Variants in ERBIN observed in about 807,000 individuals in gnomAD.
The protein encoded by ERBIN is densin-180-like protein.
In ERBIN, 60 loss-of-function variants were observed where a neutral mutation model predicts 158.4. The ratio of observed to expected loss-of-function variants is 0.38; its 90% CI spans 0.31 to 0.47. The LOEUF (loss-of-function observed/expected upper bound fraction) is 0.47. Among genes scored for constraint, ERBIN ranks in the 20% least tolerant of loss-of-function variants. The probability of loss-of-function intolerance (pLI) is 0.99; values close to 1 mark genes in which losing one functional copy is unlikely to be tolerated. For synonymous variants in ERBIN, 594 were observed against 557.2 expected, an observed-to-expected ratio of 1.07 and a Z score of -0.93; for missense variants, 1,610 against 1,648.0, an observed-to-expected ratio of 0.98 and a Z score of 0.40.
At chr5:66,038,331 A>G in intron 14 of ERBIN, 52 bp from the exon 15 acceptor site, 1 of 1,194,082 alleles carries the variant, frequency 8.4e-7, no homozygotes, top group African/African-American at 1.5e-5. Context: ...ATTGCTGAAT[A>G]TATATTTGCT....
intron 1 of ERBIN, among the ~76,000 whole-genome samples, chr5:65,950,897 C>T (rs1196747156): frequency 6.6e-6 from 1 of 151,876 alleles, no homozygotes; most frequent in East Asian, 1.9e-4. Context: ...CATGTAAAAA[C>T]TTAAGCCAGT....
intron 1 of ERBIN, among the ~76,000 whole-genome samples, chr5:65,948,761 C>CCTTTTT (rs1561282947): frequency 2.3e-5 from 1 of 44,424 alleles, no homozygotes; most frequent in African/African-American, 7.8e-5. Flanking sequence ...TTCTGTTTTG[C>CCTTTTT]GTTTTTTTTT....
chr5:66,064,919 C>T (rs1281039419), intron 21 of ERBIN, among the ~76,000 whole-genome samples: 2 of 152,140 alleles, frequency 1.3e-5, no homozygotes, highest in Admixed American at 6.5e-5. Context: ...AGGCTGGTCT[C>T]AAACTCCTGG....
At chr5:66,062,927 G>A (rs936201579) in intron 21 of ERBIN, among the ~76,000 whole-genome samples, 60 of 152,178 alleles carry the variant, frequency 3.9e-4, no homozygotes, top group Non-Finnish European at 8.2e-4. Flanking sequence ...GTACCTGGCC[G>A]TGTGAGGTGT....
At position 66,008,869 on chromosome 5, in the gene ERBIN, A is replaced by G. The variant is rs77875129; in HGVS notation, c.308-3180A>G. ...TATGTACCACAACCAAATCCATTCC[A>G]TGTTTTCAAGGTCGGATCATTACTT... On this transcript the variant is annotated intron_variant, in intron 4 of 25. Transcript: ENST00000284037. Among the ~76,000 whole-genome samples the G allele has an allele frequency of 7.6e-3, 1,155 of 152,336 alleles. 16 individuals are homozygous for G. The highest frequency in any genetic ancestry group is 0.026 in the African/African-American group (1,099 of 41,568).
intron 20 of ERBIN, among the ~76,000 whole-genome samples, chr5:66,051,384 A>G (rs1759003149): frequency 6.6e-6 from 1 of 152,318 alleles, no homozygotes; most frequent in Admixed American, 6.5e-5. Context: ...TGTAGGACAC[A>G]CTCACTGAGA....
At chr5:66,063,217 A>G (rs1317324381) in intron 21 of ERBIN, among the ~76,000 whole-genome samples, 2 of 152,102 alleles carry the variant, frequency 1.3e-5, no homozygotes, top group Admixed American at 6.5e-5. Flanking sequence ...TGCTTTGGTT[A>G]CCTACTCAAG....
chr5:66,062,933 G>A (rs1359754472), intron 21 of ERBIN, among the ~76,000 whole-genome samples: 2 of 152,180 alleles, frequency 1.3e-5, no homozygotes, highest in East Asian at 3.9e-4. Context: ...GGCCGTGTGA[G>A]GTGTCAGTCT....
intron 1 of ERBIN, among the ~76,000 whole-genome samples, chr5:65,979,466 TCTGA>T (rs1378392124): frequency 6.6e-6 from 1 of 152,150 alleles, no homozygotes; most frequent in East Asian, 1.9e-4. Flanking sequence ...ATACTGAATT[TCTGA>T]CTATTACCTT....
At chr5:66,069,095 C>A in intron 21 of ERBIN, 2 of 1,330,818 alleles carry the variant, frequency 1.5e-6, no homozygotes, top group Non-Finnish European at 9.8e-7. Context: ...TTTAATGTTT[C>A]CAGGAAAAAA....
chr5:65,992,907 G>T lies in ERBIN; in HGVS notation c.189G>T (p.Lys63Asn). The T allele has an allele frequency of 6.4e-7, 1 of 1,572,042 alleles. No homozygotes were observed. The highest frequency in any genetic ancestry group is 8.6e-7 in the Non-Finnish European group (1 of 1,162,408). Residue 63 changes from lysine (K) to asparagine (N), a missense_variant and splice_region_variant, in exon 3 of 26, where the codon AAG (lysine) becomes AAT (asparagine). Around this residue, in one of 2 missense-constraint regions of ERBIN, gnomAD observed 596 missense variants for 711.9 expected, o/e 0.84. Coordinates refer to ENST00000284037, the MANE Select transcript of ERBIN (RefSeq NM_001253697.2). The stretch of plus-strand genomic sequence containing the variant: ...CTAATCAGATTGAAGAGCTTCCAAA[G>T]GTATGCTAATACTTTCTTTCAAGAA... ...LDANQIEELP[K>N]QLFNCQSLHK...
intron 1 of ERBIN, among the ~76,000 whole-genome samples, chr5:65,952,212 T>C (rs1746590858): frequency 6.6e-6 from 1 of 152,122 alleles, no homozygotes; most frequent in Non-Finnish European, 1.5e-5. Flanking sequence ...CCCCCCAACT[T>C]TCAGACCCGT....
At chr5:65,985,690 T>C (rs1751148440) in intron 1 of ERBIN, among the ~76,000 whole-genome samples, 1 of 152,228 alleles carries the variant, frequency 6.6e-6, no homozygotes, top group Admixed American at 6.5e-5. Flanking sequence ...AAATCTGCTG[T>C]TGTATCTCTT....
chr5:66,066,021 C>G (rs950452296), intron 21 of ERBIN, among the ~76,000 whole-genome samples: 4 of 151,982 alleles, frequency 2.6e-5, no homozygotes, highest in Admixed American at 2.6e-4. Context: ...AAAATTAACT[C>G]TTTATTTCTG....
At chr5:66,036,915 A>C (rs931956542) in intron 14 of ERBIN, among the ~76,000 whole-genome samples, 2 of 152,194 alleles carry the variant, frequency 1.3e-5, no homozygotes, top group African/African-American at 4.8e-5. Flanking sequence ...GTGCCTCATA[A>C]ATAACAGGTG....
Position 66,013,515 on chromosome 5 carries a change from A to G in ERBIN, c.387-34A>G, listed in dbSNP as rs1163079915. ...TTTAATAAAAGACTGAATTTCTTAC[A>G]TGAACTTAACTTAAATTCTGGTATT... On this transcript the variant is annotated intron_variant, in intron 5 of 25. Transcript: ENST00000284037. 6.7e-6 allele frequency: 9 copies of G among 1,348,758 alleles called. No homozygotes were observed. In the East Asian group the frequency reaches 1.6e-4, roughly 24 times the overall value. 83.5% of individuals were successfully genotyped at this position (1,348,758 alleles called of 1,614,324 possible).
At chr5:66,055,842 A>G (rs570934506) in intron 21 of ERBIN, among the ~76,000 whole-genome samples, 17 of 152,314 alleles carry the variant, frequency 1.1e-4, no homozygotes, top group Admixed American at 2.0e-4. Context: ...CCTAAAATAT[A>G]TTAGTACCTC....
chr5:66,076,569 A>T, intron 24 of ERBIN, 161 bp downstream of exon 24: 1 of 646,558 alleles, frequency 1.5e-6, no homozygotes, highest in Admixed American at 3.4e-5. Context: ...TAATTTGATC[A>T]GTTCAAGTTA....
chr5:66,032,905 G>A (rs547958995), intron 14 of ERBIN, among the ~76,000 whole-genome samples: 1 of 152,266 alleles, frequency 6.6e-6, no homozygotes, highest in East Asian at 1.9e-4. Flanking sequence ...GGATAATACT[G>A]CCACAACCAA....
Sources: gnomAD v4.1 joint callset for allele counts (sites outside exome capture counted in the v4.1 genomes callset) on GRCh38, gnomAD v4.1.1 for gene constraint, gnomAD v4.1.1 regional missense constraint, MANE v1.5 for transcripts, NCBI Gene and HGNC (gene_info 2026-07-23, HGNC 2026-07-21) for gene names.